NEK10: variants seen among roughly 807,000 people sequenced by gnomAD.
The protein encoded by NEK10 is NIMA related kinase 10, also known as serine/threonine-protein kinase Nek10.
NEK10 carries 122 observed loss-of-function variants against 159.8 expected under a neutral mutation model. That is an observed-to-expected ratio of 0.76 (90% CI 0.66 to 0.89). The LOEUF (loss-of-function observed/expected upper bound fraction) is 0.89. NEK10 is among the 40% of genes least tolerant of loss of function. The probability of loss-of-function intolerance (pLI) is 0.00; values close to 1 mark genes in which losing one functional copy is unlikely to be tolerated. For synonymous variants in NEK10, 466 were observed against 457.1 expected (o/e 1.02, Z -0.25); for missense variants, 1,342 against 1,323.1 (o/e 1.01, Z -0.22).
chr3:27,202,338 G>C, intron 24 of NEK10, 90 bp downstream of exon 24: 1 of 1,299,862 alleles, frequency 7.7e-7, no homozygotes, highest in Non-Finnish European at 1.1e-6. Context: ...TTAATGGGCA[G>C]TTATATACAA....
At chr3:27,287,968 A>C (rs2042735636) in intron 19 of NEK10, among the ~76,000 whole-genome samples, 1 of 152,212 alleles carries the variant, frequency 6.6e-6, no homozygotes, top group African/African-American at 2.4e-5. Context: ...TTATTAAATA[A>C]AATTAAAAAC....
chr3:27,123,040 C>T (rs1941517306), intron 32 of NEK10, among the ~76,000 whole-genome samples: 1 of 152,166 alleles, frequency 6.6e-6, no homozygotes, highest in Non-Finnish European at 1.5e-5. Flanking sequence ...CTTCCCAGAA[C>T]TACTTTTTGC....
chr3:27,223,374 C>G (rs1952314070), intron 23 of NEK10, among the ~76,000 whole-genome samples: 3 of 152,128 alleles, frequency 2.0e-5, no homozygotes, highest in Admixed American at 2.0e-4. Context: ...TGTCATGATC[C>G]CCCTGTACCC....
At chr3:27,250,406 T>C (rs1364915167) in intron 23 of NEK10, among the ~76,000 whole-genome samples, 2 of 152,136 alleles carry the variant, frequency 1.3e-5, no homozygotes, top group Non-Finnish European at 2.9e-5. Context: ...CAGGATGGTC[T>C]CGATCTCCTG....
At chr3:27,288,363 T>G (rs899646897) in intron 19 of NEK10, among the ~76,000 whole-genome samples, 10 of 152,248 alleles carry the variant, frequency 6.6e-5, no homozygotes, top group African/African-American at 2.4e-4. Flanking sequence ...CCTTGGTCTG[T>G]CAGTTTTAGC....
chr3:27,236,081 T>C (rs914094830), intron 23 of NEK10, among the ~76,000 whole-genome samples: 2 of 151,892 alleles, frequency 1.3e-5, no homozygotes, highest in African/African-American at 4.8e-5. Flanking sequence ...TTCTTACTTA[T>C]AAGTGGGAGC....
intron 29 of NEK10, among the ~76,000 whole-genome samples, chr3:27,169,937 A>C (rs1946802987): frequency 6.6e-6 from 1 of 152,162 alleles, no homozygotes; most frequent in Non-Finnish European, 1.5e-5. Flanking sequence ...ATGAGAATGG[A>C]ATAAACAAGC....
intron 7 of NEK10, among the ~76,000 whole-genome samples, chr3:27,313,293 G>T (rs1285157170): frequency 6.6e-6 from 1 of 151,580 alleles, no homozygotes; most frequent in African/African-American, 2.4e-5. Flanking sequence ...GAAAGAAAAA[G>T]AAATTTTGTT....
chr3:27,342,981 G>A (rs1184515669), intron 5 of NEK10, among the ~76,000 whole-genome samples: 1 of 152,044 alleles, frequency 6.6e-6, no homozygotes, highest in East Asian at 1.9e-4. Flanking sequence ...ATGTGTAATC[G>A]AGAACTGAAC....
At chr3:27,114,307 G>T (rs1215604053) in intron 35 of NEK10, among the ~76,000 whole-genome samples, 1 of 152,130 alleles carries the variant, frequency 6.6e-6, no homozygotes, top group Non-Finnish European at 1.5e-5. Flanking sequence ...CCCTTGAATA[G>T]AAAATGAAAA....
chr3:27,239,745 T>C (rs1954342556), intron 23 of NEK10, among the ~76,000 whole-genome samples: 1 of 152,160 alleles, frequency 6.6e-6, no homozygotes, highest in South Asian at 2.1e-4. Context: ...AGGCTTAAAA[T>C]AACCTTTCAG....
intron 23 of NEK10, among the ~76,000 whole-genome samples, chr3:27,249,996 A>G (rs1411057739): frequency 6.6e-6 from 1 of 152,178 alleles, no homozygotes; most frequent in African/African-American, 2.4e-5. Context: ...AAAAGAAAAC[A>G]TAAAAACTGT....
intron 4 of NEK10, 21 bp downstream of exon 4, chr3:27,346,065 A>G (rs1411749742): frequency 1.9e-6 from 3 of 1,611,900 alleles, no homozygotes; most frequent in Admixed American, 3.3e-5. Flanking sequence ...CTGAAGACGA[A>G]GGAGATGCTG....
In NEK10 at chr3:27,323,604, G is replaced by GAA. The variant is rs10663628; in HGVS notation, c.363-1345_363-1344dup. 5.1e-3 allele frequency among the ~76,000 whole-genome samples: 767 copies of GAA among 150,770 alleles called. 9 individuals are homozygous for GAA. The highest frequency in any genetic ancestry group is 0.017 in the African/African-American group (697 of 41,246). On this transcript the variant is annotated intron_variant, in intron 5 of 35. Transcript: ENST00000691995. ...TTGCCACAGGTCTGTTCAGAGGGGG[G>GAA]AAAAAAAAACCTGGATTTTTACTTC...
chr3:27,254,817 A>G (rs185324331), intron 23 of NEK10, among the ~76,000 whole-genome samples: 96 of 152,264 alleles, frequency 6.3e-4, no homozygotes, highest in Non-Finnish European at 9.9e-4. Context: ...TAATTTAAAA[A>G]TTAAATGAAA....
intron 32 of NEK10, among the ~76,000 whole-genome samples, chr3:27,130,970 T>C (rs1321349233): frequency 1.3e-5 from 2 of 152,176 alleles, no homozygotes; most frequent in African/African-American, 4.8e-5. Context: ...TTGGTGTATG[T>C]GCAGATACCA....
intron 20 of NEK10, among the ~76,000 whole-genome samples, chr3:27,285,938 T>C (rs2149467827): frequency 6.6e-6 from 1 of 152,290 alleles, no homozygotes; most frequent in African/African-American, 2.4e-5. Context: ...TTTCCAATTT[T>C]TCATAATTTC....
Position 27,107,952 on chromosome 3 carries a change from G to C in NEK10, c.*3320C>G, listed in dbSNP as rs1164473980. Among the ~76,000 whole-genome samples, 2 of 152,084 alleles carry C rather than the reference G, an allele frequency of 1.3e-5. No homozygotes were observed. Among genetic ancestry groups the C allele is most frequent in the Non-Finnish European group, 2.9e-5 (2 of 68,008 alleles). On this transcript the variant is annotated 3_prime_UTR_variant, in exon 36 of 36. Coordinates refer to ENST00000691995, the MANE Select transcript of NEK10 (RefSeq NM_001394966.1). ...GCTATAATACATCAAATCAAAAAGA[G>C]GAATGTGGGTTCTATGCATATTAAT...
chr3:27,359,266 T>A (rs34228789), intron 1 of NEK10, among the ~76,000 whole-genome samples: 3,131 of 151,122 alleles, frequency 0.021, 56 homozygotes, highest in Non-Finnish European at 0.029. Flanking sequence ...ATACATCAGA[T>A]TAAAGTTAAT....
Sources: allele counts gnomAD v4.1 joint callset (sites outside exome capture counted in the v4.1 genomes callset), GRCh38; gene constraint gnomAD v4.1.1; transcripts MANE v1.5; gene names NCBI Gene and HGNC (gene_info 2026-07-23, HGNC 2026-07-21).